Variants in SUZ12 observed in about 807,000 individuals in gnomAD.
SUZ12 encodes the protein SUZ12 polycomb repressive complex 2 subunit.
In SUZ12, 17 loss-of-function variants were observed where a neutral mutation model predicts 87.3. The ratio of observed to expected loss-of-function variants is 0.19; its 90% CI spans 0.13 to 0.29. The LOEUF (loss-of-function observed/expected upper bound fraction) is 0.29, where lower values mean the gene tolerates loss of function less well. SUZ12 is among the 10% of genes least tolerant of loss of function. The pLI is 1.00. For synonymous variants in SUZ12, 253 were observed against 312.4 expected (o/e 0.81, Z 2.01); for missense variants, 526 against 912.2 (o/e 0.58, Z 5.45).
chr17:31,975,870 A>G (rs943878311), intron 7 of SUZ12, among the ~76,000 whole-genome samples, 157 bp downstream of exon 7: 27 of 152,206 alleles, frequency 1.8e-4, no homozygotes, highest in African/African-American at 6.3e-4. Context: ...ATTTTCAAAC[A>G]TAAAGGACAA....
At chr17:31,994,478 A>T in intron 12 of SUZ12, 86 bp from the exon 13 acceptor site, 1 of 1,286,342 alleles carries the variant, frequency 7.8e-7, no homozygotes, top group South Asian at 1.9e-5. Context: ...TCTAAATATT[A>T]AGAGCCCACA....
intron 11 of SUZ12, 150 bp downstream of exon 11, chr17:31,993,483 G>A (rs979162769): frequency 1.9e-5 from 12 of 623,954 alleles, no homozygotes; most frequent in Non-Finnish European, 2.8e-5. Context: ...GTGCAGTGGT[G>A]CAGTCTTGGC....
chr17:31,942,492 C>T (rs181773224), intron 3 of SUZ12, among the ~76,000 whole-genome samples: 53 of 152,114 alleles, frequency 3.5e-4, no homozygotes, highest in Admixed American at 2.8e-3. Context: ...CCCACCACCA[C>T]GCCTGGCTAA....
chr17:31,964,665 A>G (rs1322339488), intron 4 of SUZ12, among the ~76,000 whole-genome samples: 1 of 152,048 alleles, frequency 6.6e-6, no homozygotes, highest in Non-Finnish European at 1.5e-5. Flanking sequence ...CGGCCTCCCA[A>G]AGTGCCAGGA....
At chr17:31,938,375 G>T (rs1344683967) in intron 1 of SUZ12, among the ~76,000 whole-genome samples, 1 of 152,168 alleles carries the variant, frequency 6.6e-6, no homozygotes, top group African/African-American at 2.4e-5. Context: ...TAATCTTACA[G>T]AAACTTGAAT....
At chr17:31,957,895 C>CTTTTTTTTT (rs1181314058) in intron 4 of SUZ12, among the ~76,000 whole-genome samples, 1 of 91,332 alleles carries the variant, frequency 1.1e-5, no homozygotes, top group Non-Finnish European at 2.2e-5. Flanking sequence ...ACCTTTTGTC[C>CTTTTTTTTT]TTTTTTTTTT....
At chr17:31,996,656 A>G (rs938772024) in intron 14 of SUZ12, 142 bp from the exon 15 acceptor site, 34 of 530,780 alleles carry the variant, frequency 6.4e-5, no homozygotes, top group Non-Finnish European at 9.8e-5. Context: ...GACTACTTAA[A>G]TAGAAGTTAA....
intron 5 of SUZ12, among the ~76,000 whole-genome samples, chr17:31,970,238 G>A (rs951175612): frequency 2.6e-5 from 4 of 152,166 alleles, no homozygotes; most frequent in Non-Finnish European, 5.9e-5. Flanking sequence ...ATTTTTTGCT[G>A]TATTAAGGTG....
chr17:31,988,350 G>T lies in SUZ12; in HGVS notation c.1054G>T (p.Gly352Ter). The change falls in exon 10 of 16, where the codon GGA becomes TGA. Residue 352 changes from glycine (G) to a stop codon, truncating the protein, a stop_gained. Coordinates refer to ENST00000322652, the MANE Select transcript of SUZ12 (RefSeq NM_015355.4). LOFTEE classifies it high-confidence loss of function. ...RLPPFETFSQ[G>*]PTLQFTLRWT... ...GCCTCCATTCGAAACATTTTCTCAG[G>T]GACCTACGTTGCAGTTCACTCTTCG... 1 of 1,578,596 alleles carries T rather than the reference G, an allele frequency of 6.3e-7. No individual in the cohort carries two copies. Among genetic ancestry groups the T allele is most frequent in the Non-Finnish European group, 8.6e-7 (1 of 1,166,806 alleles).
At chr17:31,944,668 T>C (rs183114700) in intron 3 of SUZ12, among the ~76,000 whole-genome samples, 14 of 151,890 alleles carry the variant, frequency 9.2e-5, no homozygotes, top group Admixed American at 5.3e-4. Context: ...CCTACAGAAA[T>C]GGGTAGGAAT....
chr17:31,960,945 C>G (rs559406815), intron 4 of SUZ12, among the ~76,000 whole-genome samples: 1 of 152,296 alleles, frequency 6.6e-6, no homozygotes, highest in East Asian at 1.9e-4. Context: ...GGCATGGTGG[C>G]TCACACCTGT....
intron 9 of SUZ12, among the ~76,000 whole-genome samples, chr17:31,986,306 C>CT (rs1387730884): frequency 2.0e-5 from 3 of 152,128 alleles, no homozygotes; most frequent in African/African-American, 7.2e-5. Flanking sequence ...AGATTTACTT[C>CT]TTTTTAAAAG....
chr17:31,941,957 A>G (rs566326540), intron 3 of SUZ12, among the ~76,000 whole-genome samples: 4 of 151,856 alleles, frequency 2.6e-5, no homozygotes, highest in East Asian at 1.9e-4. Context: ...GGTTCAGGCA[A>G]TTCTCCTGCC....
chr17:31,950,482 G>C (rs999805299), intron 4 of SUZ12, among the ~76,000 whole-genome samples: 1 of 152,090 alleles, frequency 6.6e-6, no homozygotes, highest in Non-Finnish European at 1.5e-5. Context: ...CTAGGAATTT[G>C]AGACTGCCCT....
chr17:31,965,194 C>A (rs1246110660), intron 4 of SUZ12, among the ~76,000 whole-genome samples: 1 of 151,996 alleles, frequency 6.6e-6, no homozygotes, highest in Non-Finnish European at 1.5e-5. Flanking sequence ...TAGTGCCCAG[C>A]AACTATTTCA....
chr17:31,962,913 T>A (rs1316309564), intron 4 of SUZ12, among the ~76,000 whole-genome samples: 3 of 152,228 alleles, frequency 2.0e-5, no homozygotes, highest in Non-Finnish European at 4.4e-5. Flanking sequence ...GATAGATTTG[T>A]TGTGACTGGT....
intron 9 of SUZ12, among the ~76,000 whole-genome samples, chr17:31,986,821 A>C (rs1251559631): frequency 6.6e-6 from 1 of 152,220 alleles, no homozygotes; most frequent in African/African-American, 2.4e-5. Flanking sequence ...AAGTGCTGGG[A>C]TTACAGGCGT....
At chr17:31,984,309 G>C (rs954493170) in intron 9 of SUZ12, among the ~76,000 whole-genome samples, 1 of 152,096 alleles carries the variant, frequency 6.6e-6, no homozygotes, top group African/African-American at 2.4e-5. Context: ...AAGAGAAACT[G>C]TTCATTAATT....
intron 9 of SUZ12, among the ~76,000 whole-genome samples, chr17:31,984,947 T>A (rs1052312867): frequency 6.6e-6 from 1 of 152,072 alleles, no homozygotes; most frequent in Non-Finnish European, 1.5e-5. Flanking sequence ...CCTGAGGTTA[T>A]GAATTTGACA....
Sources: gnomAD v4.1 joint callset for allele counts (sites outside exome capture counted in the v4.1 genomes callset) on GRCh38, gnomAD v4.1.1 for gene constraint, MANE v1.5 for transcripts, NCBI Gene and HGNC (gene_info 2026-07-23, HGNC 2026-07-21) for gene names.